Variants in ANKRD30A observed in about 807,000 individuals in gnomAD.
ANKRD30A encodes the protein ankyrin repeat domain 30A.
ANKRD30A carries 170 observed loss-of-function variants against 166.3 expected under a neutral mutation model. The ratio of observed to expected loss-of-function variants is 1.02; its 90% CI spans 0.90 to 1.16. ANKRD30A has a LOEUF of 1.16. Among genes scored for constraint, ANKRD30A ranks in the 50% most tolerant of loss-of-function variants. ANKRD30A has a pLI of 0.00. For synonymous variants in ANKRD30A, 564 were observed against 508.9 expected, an observed-to-expected ratio of 1.11 and a Z score of -1.46; for missense variants, 1,630 against 1,518.0, an observed-to-expected ratio of 1.07 and a Z score of -1.23.
chr10:37,131,531 C>T (rs1371261634), intron 3 of ANKRD30A, among the ~76,000 whole-genome samples: 1 of 152,038 alleles, frequency 6.6e-6, no homozygotes, highest in Non-Finnish European at 1.5e-5. Flanking sequence ...GAGTTGCTTC[C>T]TTAGTGACCC....
At chr10:37,203,989 G>A (rs1294043043) in intron 31 of ANKRD30A, among the ~76,000 whole-genome samples, 3 of 152,016 alleles carry the variant, frequency 2.0e-5, no homozygotes, top group Non-Finnish European at 2.9e-5. Context: ...AAATAAAAGA[G>A]GACACAAACA....
At chr10:37,254,675 T>C in the ANKRD30A span, among the ~76,000 whole-genome samples, 3 of 150,456 alleles carry the variant, frequency 2.0e-5, no homozygotes, top group African/African-American at 7.3e-5. Flanking sequence ...TTTCTTTTCT[T>C]TTCTTTTCTT....
the ANKRD30A span, among the ~76,000 whole-genome samples, chr10:37,263,393 A>T: frequency 1.3e-5 from 2 of 151,836 alleles, no homozygotes; most frequent in Non-Finnish European, 2.9e-5. Flanking sequence ...TATGCACTTT[A>T]TTTCTCTTAT....
chr10:37,190,522 A>T lies in ANKRD30A; in HGVS notation c.2512+965A>T, dbSNP rs575309091. Among the ~76,000 whole-genome samples the T allele has an allele frequency of 5.1e-4, 78 of 151,946 alleles. 3 individuals carry two copies. The South Asian group carries it at 8.1e-3, about 16-fold the overall frequency. On this transcript the variant is annotated intron_variant, in intron 25 of 35. Coordinates refer to ENST00000361713, the MANE Select transcript of ANKRD30A (RefSeq NM_052997.3). ...GTAAAAGGAAAGAGTTGGAAAAAAT[A>T]ATGTTAACAGGTGTCGAATGGGAAG...
intron 29 of ANKRD30A, 60 bp downstream of exon 29, chr10:37,197,540 T>A: frequency 6.2e-7 from 1 of 1,608,960 alleles, no homozygotes; most frequent in Non-Finnish European, 8.5e-7. Flanking sequence ...ATTTTGATGG[T>A]CTTTCTATCC....
At chr10:37,243,860 G>C in the ANKRD30A span, among the ~76,000 whole-genome samples, 1 of 151,958 alleles carries the variant, frequency 6.6e-6, no homozygotes, top group African/African-American at 2.4e-5. Context: ...GAACCACCGA[G>C]TGATGGCAGT....
the ANKRD30A span, among the ~76,000 whole-genome samples, chr10:37,239,661 C>T: frequency 3.9e-5 from 6 of 152,004 alleles, no homozygotes; most frequent in African/African-American, 1.4e-4. Flanking sequence ...AATTCTCTAA[C>T]CTTTGTAGTA....
chr10:37,227,695 T>C (rs1588962161), intron 34 of ANKRD30A, among the ~76,000 whole-genome samples: 1 of 151,772 alleles, frequency 6.6e-6, no homozygotes, highest in East Asian at 1.9e-4. Flanking sequence ...AAGACAAGAG[T>C]CCATTCCTTT....
At chr10:37,133,782 T>G (rs1588748960) in intron 4 of ANKRD30A, 134 bp from the exon 5 acceptor site, 1 of 1,062,666 alleles carries the variant, frequency 9.4e-7, no homozygotes, top group South Asian at 1.6e-5. Context: ...TTGGTGGTGA[T>G]TTACAAGGAT....
At chr10:37,249,602 G>C in the ANKRD30A span, among the ~76,000 whole-genome samples, 3 of 152,126 alleles carry the variant, frequency 2.0e-5, no homozygotes, top group African/African-American at 7.2e-5. Flanking sequence ...AGAACAACTT[G>C]TAAACTTTTA....
chr10:37,165,973 A>T (rs1158338712), intron 18 of ANKRD30A, among the ~76,000 whole-genome samples: 7 of 152,146 alleles, frequency 4.6e-5, no homozygotes, highest in Admixed American at 3.3e-4. Flanking sequence ...GTTTTCTTTC[A>T]TTTAGATGTG....
At chr10:37,214,821 G>A (rs1200877) in intron 31 of ANKRD30A, among the ~76,000 whole-genome samples, 66,779 of 150,898 alleles carry the variant, frequency 0.44, 15,098 homozygotes, top group Non-Finnish European at 0.47. Context: ...GCCTGGATCT[G>A]TGGGATTGTA....
downstream of ANKRD30A, among the ~76,000 whole-genome samples, chr10:37,235,765 CTTTTTTTTTTT>C (rs947216787): frequency 7.0e-5 from 8 of 114,950 alleles, no homozygotes; most frequent in African/African-American, 2.3e-4. Context: ...ATTTCATTCT[CTTTTTTTTTTT>C]TTTTTTTTTT....
At chr10:37,226,547 A>G (rs1211224935) in intron 34 of ANKRD30A, among the ~76,000 whole-genome samples, 8 of 151,788 alleles carry the variant, frequency 5.3e-5, no homozygotes, top group African/African-American at 1.7e-4. Flanking sequence ...ACTGCTGAGT[A>G]TATTTCATTG....
chr10:37,157,397 G>A (rs1445087075), intron 13 of ANKRD30A, among the ~76,000 whole-genome samples: 5 of 152,016 alleles, frequency 3.3e-5, no homozygotes, highest in African/African-American at 9.7e-5. Flanking sequence ...ATGTTTTCTC[G>A]CTCTGTCATC....
At chr10:37,207,995 T>A (rs1460091991) in intron 31 of ANKRD30A, among the ~76,000 whole-genome samples, 1 of 152,058 alleles carries the variant, frequency 6.6e-6, no homozygotes, top group Non-Finnish European at 1.5e-5. Flanking sequence ...ATTAAACATA[T>A]CTGGGTAAAT....
intron 12 of ANKRD30A, among the ~76,000 whole-genome samples, chr10:37,153,308 A>AT (rs772826463): frequency 5.9e-5 from 9 of 152,216 alleles, no homozygotes; most frequent in South Asian, 4.1e-4. Flanking sequence ...GCACGAGTGA[A>AT]TTTTTTTATC....
intron 33 of ANKRD30A, 25 bp downstream of exon 33, chr10:37,217,903 T>G: frequency 6.9e-7 from 1 of 1,454,640 alleles, no homozygotes; most frequent in South Asian, 1.4e-5. Context: ...GATAAAAATT[T>G]TATATTTCTA....
In ANKRD30A at chr10:37,158,388, A is replaced by G. The variant is rs368463421; in HGVS notation, c.1799-4A>G. 1.2e-6 allele frequency: 2 copies of G among 1,608,758 alleles called. No homozygotes were observed. Among genetic ancestry groups the G allele is most frequent in the Non-Finnish European group, 8.5e-7 (1 of 1,176,050 alleles). On this transcript the variant is annotated splice_region_variant and splice_polypyrimidine_tract_variant and intron_variant, in intron 13 of 35. Transcript: ENST00000361713. ...ATCAATTATGTATGTCCCTTTTCTT[A>G]TAGAGTCTCCTAATAAAGATGGTCT... is the stretch of plus-strand genomic sequence containing the variant.
Sources: gnomAD v4.1 joint callset for allele counts (sites outside exome capture counted in the v4.1 genomes callset) on GRCh38, gnomAD v4.1.1 for gene constraint, MANE v1.5 for transcripts, NCBI Gene and HGNC (gene_info 2026-07-23, HGNC 2026-07-21) for gene names.